The following PRKG1 variants were observed in gnomAD, a reference collection of about 807,000 sequenced individuals.
PRKG1 encodes the protein cGMP-dependent protein kinase 1.
In PRKG1, 35 loss-of-function variants were observed where a neutral mutation model predicts 88.1. That is an observed-to-expected ratio of 0.40 (90% confidence interval 0.30 to 0.53). The LOEUF (loss-of-function observed/expected upper bound fraction) is 0.53. Among genes scored for constraint, PRKG1 ranks in the 20% least tolerant of loss-of-function variants. PRKG1 has a pLI of 0.59. For missense variants in PRKG1, 540 were observed against 839.8 expected, an observed-to-expected ratio of 0.64 and a Z score of 4.41; for synonymous variants, 303 against 292.5, an observed-to-expected ratio of 1.04 and a Z score of -0.37.
At chr10:51,861,146 G>T (rs943748382) in intron 4 of PRKG1, among the ~76,000 whole-genome samples, 22 of 152,188 alleles carry the variant, frequency 1.4e-4, no homozygotes, top group African/African-American at 5.1e-4. Context: ...CAGCTGCAAA[G>T]TTAAGTGGCA....
chr10:51,141,444 TATGTC>T (rs1845817944), intron 1 of PRKG1, among the ~76,000 whole-genome samples: 1 of 152,194 alleles, frequency 6.6e-6, no homozygotes, highest in Admixed American at 6.5e-5. Flanking sequence ...ATACTATACT[TATGTC>T]AGTAGCAACT....
upstream of PRKG1, chr10:51,074,454 GGCT>G: frequency 6.9e-7 from 1 of 1,458,636 alleles, no homozygotes; most frequent in Non-Finnish European, 9.1e-7. Flanking sequence ...CAGAAGCCAG[GGCT>G]GGCTTTGGTC....
At chr10:51,358,683 C>T (rs892189166) in intron 2 of PRKG1, among the ~76,000 whole-genome samples, 3 of 151,926 alleles carry the variant, frequency 2.0e-5, no homozygotes, top group South Asian at 2.1e-4. Context: ...AGATAATCAC[C>T]TGGGAGTCCA....
At chr10:51,485,518 A>T (rs1474310028) in intron 3 of PRKG1, among the ~76,000 whole-genome samples, 1 of 152,172 alleles carries the variant, frequency 6.6e-6, no homozygotes, top group Non-Finnish European at 1.5e-5. Context: ...AATAAACAAT[A>T]AGAAAGTGAT....
At chr10:51,268,099 AC>A (rs1839883938) in intron 2 of PRKG1, among the ~76,000 whole-genome samples, 1 of 152,202 alleles carries the variant, frequency 6.6e-6, no homozygotes, top group African/African-American at 2.4e-5. Flanking sequence ...GTGATGCCCC[AC>A]AAGCCACAAA....
intron 2 of PRKG1, among the ~76,000 whole-genome samples, chr10:51,332,383 A>G (rs537827517): frequency 1.1e-4 from 17 of 152,028 alleles, no homozygotes; most frequent in African/African-American, 2.9e-4. Flanking sequence ...ATTGTGACCA[A>G]TTCAAATTTT....
At chr10:52,140,044 C>A (rs987919866) in intron 8 of PRKG1, among the ~76,000 whole-genome samples, 1 of 152,160 alleles carries the variant, frequency 6.6e-6, no homozygotes, top group Non-Finnish European at 1.5e-5. Context: ...GAATTTATAT[C>A]ATTTTCTTAT....
intron 9 of PRKG1, among the ~76,000 whole-genome samples, chr10:52,235,136 G>C (rs1278804771): frequency 9.5e-6 from 1 of 105,422 alleles, no homozygotes; most frequent in Non-Finnish European, 1.9e-5. Flanking sequence ...GTCACCACCA[G>C]GCCTGCCCTA....
chr10:51,827,010 A>G (rs914529412), intron 4 of PRKG1, among the ~76,000 whole-genome samples: 3 of 152,208 alleles, frequency 2.0e-5, no homozygotes, highest in African/African-American at 7.2e-5. Flanking sequence ...GTCCATTAAC[A>G]CTAAAAGAAA....
rs201683049 is a variant in PRKG1, at chr10:51,728,449, C to CTTTTT, written c.593-76133_593-76132insTTTTT. 1.4e-3 allele frequency among the ~76,000 whole-genome samples: 79 copies of CTTTTT among 57,898 alleles called. 3 individuals are homozygous for CTTTTT. The highest frequency in any genetic ancestry group is 3.2e-3 in the African/African-American group (47 of 14,558). The allele number at this position is 57,898 out of a possible 152,430, so 38.0% of individuals were successfully genotyped here. On this transcript the variant is annotated intron_variant, in intron 3 of 17. Transcript: ENST00000373980. Reference sequence around the variant, plus strand: ...AAACAATAGCAAAATTCCATTTTTTCTTTGTTTTTTTTTTTTTTTTTTTTT... The same window carrying CTTTTT: ...AAACAATAGCAAAATTCCATTTTTTCTTTTTTTTGTTTTTTTTTTTTTTTTTTTTT...
chr10:51,800,727 C>T (rs1839150167), intron 3 of PRKG1, among the ~76,000 whole-genome samples: 1 of 152,092 alleles, frequency 6.6e-6, no homozygotes. Flanking sequence ...GAGAGGCTGG[C>T]TTCTTGCTGA....
chr10:52,256,689 G>C (rs1256130031), intron 10 of PRKG1, among the ~76,000 whole-genome samples: 1 of 139,662 alleles, frequency 7.2e-6, no homozygotes, highest in Non-Finnish European at 1.6e-5. Flanking sequence ...GCATAGAAAA[G>C]GAAGGGAATG....
intron 3 of PRKG1, among the ~76,000 whole-genome samples, chr10:51,504,107 G>A (rs1330936196): frequency 6.6e-6 from 1 of 152,038 alleles, no homozygotes; most frequent in Non-Finnish European, 1.5e-5. Context: ...GAAAGAGGTG[G>A]CTCTAATTAT....
intron 3 of PRKG1, among the ~76,000 whole-genome samples, chr10:51,727,592 C>G (rs1341210021): frequency 3.9e-5 from 6 of 152,168 alleles, no homozygotes; most frequent in Non-Finnish European, 7.3e-5. Context: ...GAAATTTCTA[C>G]TATTTAAATG....
At chr10:51,978,436 C>CTTTTTTTTTT (rs34946662) in intron 5 of PRKG1, among the ~76,000 whole-genome samples, 1 of 134,330 alleles carries the variant, frequency 7.4e-6, no homozygotes, top group African/African-American at 2.7e-5. Flanking sequence ...CATTCGGGCT[C>CTTTTTTTTTT]TTTTTTTTTT....
intron 2 of PRKG1, among the ~76,000 whole-genome samples, chr10:51,192,593 A>G (rs1223038568): frequency 6.6e-6 from 1 of 151,984 alleles, no homozygotes; most frequent in African/African-American, 2.4e-5. Flanking sequence ...GAGGAAAATA[A>G]TCTGATTAAA....
chr10:52,071,519 T>C (rs935269073), intron 7 of PRKG1, among the ~76,000 whole-genome samples: 29 of 152,252 alleles, frequency 1.9e-4, no homozygotes, highest in African/African-American at 6.7e-4. Context: ...TTTTGCTGTA[T>C]GTCTTCAGAA....
At chr10:51,186,581 A>G (rs913717811) in intron 2 of PRKG1, among the ~76,000 whole-genome samples, 4 of 151,948 alleles carry the variant, frequency 2.6e-5, no homozygotes, top group African/African-American at 9.7e-5. Context: ...GAGTTGAGGG[A>G]GTGGAGTAGG....
At chr10:52,033,978 G>A (rs867353114) in intron 5 of PRKG1, among the ~76,000 whole-genome samples, 4 of 74,288 alleles carry the variant, frequency 5.4e-5, no homozygotes, top group African/African-American at 1.4e-4. Context: ...GCTCAGTGGG[G>A]GTGCTTTTTG....
Sources: allele counts gnomAD v4.1 joint callset (sites outside exome capture counted in the v4.1 genomes callset), GRCh38; gene constraint gnomAD v4.1.1; transcripts MANE v1.5; gene names NCBI Gene and HGNC (gene_info 2026-07-23, HGNC 2026-07-21).